RAB3IP: variants seen among roughly 807,000 people sequenced by gnomAD.
RAB3IP encodes the protein rab-3A-interacting protein.
A neutral mutation model predicts 59.1 loss-of-function variants in RAB3IP; 36 were observed. The ratio of observed to expected loss-of-function variants is 0.61; its 90% CI spans 0.47 to 0.80. The LOEUF (loss-of-function observed/expected upper bound fraction) is 0.80, where lower values mean the gene tolerates loss of function less well. RAB3IP is among the 30% of genes least tolerant of loss of function. RAB3IP has a pLI of 0.00. For synonymous variants in RAB3IP, 207 were observed against 191.2 expected (o/e 1.08, Z -0.68); for missense variants, 511 against 536.0 (o/e 0.95, Z 0.46).
chr12:69,754,512 C>T (rs1335219091), intron 1 of RAB3IP, among the ~76,000 whole-genome samples: 3 of 152,156 alleles, frequency 2.0e-5, no homozygotes, highest in African/African-American at 4.8e-5. Context: ...TCTACTTACT[C>T]TAACCAAGGT....
rs1460911616 is a variant in RAB3IP, at chr12:69,815,448, G to A, written c.*2G>A. 3.7e-6 allele frequency: 6 copies of A among 1,601,914 alleles called. No individual in the cohort carries two copies. In the South Asian group the frequency reaches 5.5e-5, roughly 15 times the overall value. On this transcript the variant is annotated 3_prime_UTR_variant, in exon 11 of 11. Transcript: ENST00000247833. ...GGTTATTTCAAAGAGGAACTCTGAT[G>A]CTCTGCGTGGGACCATGCCTGAACT...
chr12:69,744,375 A>C (rs76449465), intron 1 of RAB3IP, among the ~76,000 whole-genome samples: 2 of 149,656 alleles, frequency 1.3e-5, no homozygotes, highest in East Asian at 4.0e-4. Flanking sequence ...AAAACTGTCA[A>C]CATAACACAC....
chr12:69,804,843 C>A (rs1170903938), intron 8 of RAB3IP, among the ~76,000 whole-genome samples: 1 of 151,972 alleles, frequency 6.6e-6, no homozygotes, highest in Non-Finnish European at 1.5e-5. Flanking sequence ...CTGTTCTGTT[C>A]CATTGGTCTA....
chr12:69,785,246 A>G (rs916598814), intron 4 of RAB3IP, among the ~76,000 whole-genome samples: 1 of 152,210 alleles, frequency 6.6e-6, no homozygotes, highest in Admixed American at 6.5e-5. Flanking sequence ...GCCCGCCACC[A>G]GGAAAAATTT....
intron 8 of RAB3IP, among the ~76,000 whole-genome samples, chr12:69,803,059 A>G (rs570478690): frequency 6.6e-6 from 1 of 152,314 alleles, no homozygotes; most frequent in African/African-American, 2.4e-5. Flanking sequence ...CTCATTTTAA[A>G]TATAGCATAT....
intron 3 of RAB3IP, among the ~76,000 whole-genome samples, chr12:69,783,657 T>C (rs1200895912): frequency 6.6e-6 from 1 of 152,230 alleles, no homozygotes; most frequent in Non-Finnish European, 1.5e-5. Flanking sequence ...TTTCTCTCCG[T>C]TTATTCTTAG....
At chr12:69,779,493 CTT>C (rs1228391685) in intron 3 of RAB3IP, among the ~76,000 whole-genome samples, 1 of 151,996 alleles carries the variant, frequency 6.6e-6, no homozygotes, top group Non-Finnish European at 1.5e-5. Flanking sequence ...AACATTTTCT[CTT>C]TTGATGCTAT....
intron 1 of RAB3IP, among the ~76,000 whole-genome samples, chr12:69,746,044 A>G (rs1565867366): frequency 6.6e-6 from 1 of 152,220 alleles, no homozygotes; most frequent in Non-Finnish European, 1.5e-5. Context: ...GTGAATAAAT[A>G]TAAATGAAGC....
intron 4 of RAB3IP, among the ~76,000 whole-genome samples, chr12:69,793,889 G>C (rs1180015140): frequency 1.3e-5 from 2 of 152,130 alleles, no homozygotes; most frequent in Non-Finnish European, 2.9e-5. Flanking sequence ...GGTACTAGAA[G>C]ATTAAAACTC....
rs1447775186 is a variant in RAB3IP at position 69,818,903 on chromosome 12, A to G, written c.*3457A>G. The G allele has an allele frequency of 2.0e-5, 3 of 152,056 alleles. No homozygotes were observed. The highest frequency in any genetic ancestry group is 6.5e-5 in the Admixed American group (1 of 15,268). The allele number at this position is 152,056 out of a possible 1,614,324, so 9.4% of individuals were successfully genotyped here. A position where few individuals can be genotyped will look rare whatever the true frequency, so the allele number is the denominator to read the frequency against. On this transcript the variant is annotated 3_prime_UTR_variant, in exon 11 of 11. Coordinates refer to ENST00000247833, the MANE Select transcript of RAB3IP (RefSeq NM_022456.5). ...TAGGTGGTGGGTTTTGGGGTGGTTC[A>G]TTTGTCATTAAAAGTAAGTACATGA...
chr12:69,820,773 G>A lies in RAB3IP; in HGVS notation c.*5327G>A, dbSNP rs147738103. The A allele has an allele frequency of 4.8e-3, 717 of 148,342 alleles. 5 individuals are homozygous for A. The highest frequency in any genetic ancestry group is 0.016 in the African/African-American group (654 of 40,168). 9.2% of individuals were successfully genotyped at this position (148,342 alleles called of 1,614,324 possible). ...CTTGGGAGGCTGAGTCAGGAGAAAC[G>A]CTCGAACCCAGGAGGCAGAGGTTGT... On this transcript the variant is annotated 3_prime_UTR_variant, in exon 11 of 11. Transcript: ENST00000247833.
intron 4 of RAB3IP, among the ~76,000 whole-genome samples, chr12:69,787,840 A>G (rs1565906037): frequency 6.6e-6 from 1 of 152,198 alleles, no homozygotes; most frequent in Admixed American, 6.5e-5. Context: ...TGCTAGGCAC[A>G]TATAGGTAGT....
At chr12:69,804,556 A>G (rs1008939228) in intron 8 of RAB3IP, among the ~76,000 whole-genome samples, 11 of 152,236 alleles carry the variant, frequency 7.2e-5, no homozygotes, top group Non-Finnish European at 1.5e-4. Flanking sequence ...TGTTTTAGAC[A>G]TGAAGTCCTT....
intron 3 of RAB3IP, among the ~76,000 whole-genome samples, chr12:69,766,333 C>T (rs560894720): frequency 2.6e-3 from 396 of 152,262 alleles, no homozygotes; most frequent in African/African-American, 8.8e-3. Flanking sequence ...TATTTCTCAA[C>T]GACTTTGTTC....
chr12:69,764,236 C>A (rs531168110), intron 3 of RAB3IP, among the ~76,000 whole-genome samples: 7 of 152,010 alleles, frequency 4.6e-5, no homozygotes, highest in African/African-American at 1.7e-4. Flanking sequence ...ATTCTTATGG[C>A]TTATTCCTAG....
chr12:69,820,945 A>T lies in RAB3IP; in HGVS notation c.*5499A>T, dbSNP rs1881675518. On this transcript the variant is annotated 3_prime_UTR_variant, in exon 11 of 11. Transcript: ENST00000247833. ...ACAGAGAAATAACAATGAAAGCTTT[A>T]AAAAACTCCATGAAAATTTGCAAAA... is the stretch of plus-strand genomic sequence containing the variant. 6.6e-6 allele frequency: 1 copy of T among 151,916 alleles called. No individual in the cohort carries two copies. The highest frequency in any genetic ancestry group is 6.6e-5 in the Admixed American group (1 of 15,236). 9.4% of individuals were successfully genotyped at this position (151,916 alleles called of 1,614,324 possible).
In RAB3IP at chr12:69,807,758, C is replaced by A. The variant is rs186997570; in HGVS notation, c.1131-5020C>A. Among the ~76,000 whole-genome samples, 696 of 141,380 alleles carry A rather than the reference C, an allele frequency of 4.9e-3. 6 individuals are homozygous for A. The highest frequency in any genetic ancestry group is 0.018 in the African/African-American group (661 of 37,334). The allele number at this position is 141,380 out of a possible 152,430, so 92.8% of individuals were successfully genotyped here. ...AGAGGTGCTCACTTCCCAGATGGGG[C>A]GGCTGGGCAGAGGCGCTCCTCACCT... On this transcript the variant is annotated intron_variant, in intron 8 of 10. Coordinates refer to ENST00000247833, the MANE Select transcript of RAB3IP (RefSeq NM_022456.5).
intron 8 of RAB3IP, among the ~76,000 whole-genome samples, chr12:69,804,154 G>A (rs1233647515): frequency 6.6e-6 from 1 of 152,150 alleles, no homozygotes; most frequent in African/African-American, 2.4e-5. Context: ...ATCCTCTCCA[G>A]CACCTGTTGT....
intron 6 of RAB3IP, 34 bp downstream of exon 6, chr12:69,795,378 T>C: frequency 6.5e-7 from 1 of 1,536,002 alleles, no homozygotes; most frequent in African/African-American, 1.4e-5. Context: ...TCTGACTCTG[T>C]TGATACTTGT....
Sources: allele counts gnomAD v4.1 joint callset (sites outside exome capture counted in the v4.1 genomes callset), GRCh38; gene constraint gnomAD v4.1.1; transcripts MANE v1.5; gene names NCBI Gene and HGNC (gene_info 2026-07-23, HGNC 2026-07-21).